Variants in MCTP1 observed in about 807,000 individuals in gnomAD.
MCTP1 encodes multiple C2 and transmembrane domain containing 1.
In MCTP1, 69 loss-of-function variants were observed where a neutral mutation model predicts 120.6. The observed-to-expected ratio is 0.57, with a 90% CI of 0.47 to 0.70. The LOEUF (loss-of-function observed/expected upper bound fraction) is 0.70. MCTP1 is among the 30% of genes least tolerant of loss of function. MCTP1 has a pLI of 0.00. For synonymous variants in MCTP1, 529 were observed against 493.1 expected (o/e 1.07, Z -0.96); for missense variants, 1,203 against 1,248.8 (o/e 0.96, Z 0.55).
chr5:95,125,785 A>C (rs1483922048), intron 1 of MCTP1, among the ~76,000 whole-genome samples: 1 of 152,228 alleles, frequency 6.6e-6, no homozygotes, highest in Non-Finnish European at 1.5e-5. Flanking sequence ...TCATATACAT[A>C]AACTATATGT....
intron 2 of MCTP1, among the ~76,000 whole-genome samples, chr5:94,992,790 T>C (rs368470059): frequency 6.6e-5 from 3 of 45,534 alleles, no homozygotes; most frequent in Admixed American, 5.9e-4. Context: ...CCCTTCCCCA[T>C]CTCAACCTTC....
chr5:94,738,734 T>G (rs1764843399), intron 19 of MCTP1, among the ~76,000 whole-genome samples: 1 of 152,210 alleles, frequency 6.6e-6, no homozygotes, highest in African/African-American at 2.4e-5. Context: ...ATTATGTCTG[T>G]GGGCTAGCAG....
intron 2 of MCTP1, among the ~76,000 whole-genome samples, chr5:95,016,267 C>T (rs944063289): frequency 4.6e-5 from 7 of 151,954 alleles, no homozygotes; most frequent in African/African-American, 7.3e-5. Context: ...CCTCCCATGT[C>T]GGCCTCCCAA....
At position 94,778,990 on chromosome 5, in the gene MCTP1, C is replaced by T; in HGVS notation, c.2610+120G>A. 2 of 807,202 alleles carry T rather than the reference C, an allele frequency of 2.5e-6. 1 individual carries two copies. Among genetic ancestry groups the T allele is most frequent in the South Asian group, 3.0e-5 (2 of 66,330 alleles). The allele number at this position is 807,202 out of a possible 1,614,324, so 50.0% of individuals were successfully genotyped here. On this transcript the variant is annotated intron_variant, in intron 19 of 22. Transcript: ENST00000515393. Reference sequence around the variant, plus strand: ...GCAGTGGCATTGTTAGGATGATAAACAGCACTGTCCAATTTTCTGGACTCA... The same window carrying T: ...GCAGTGGCATTGTTAGGATGATAAATAGCACTGTCCAATTTTCTGGACTCA...
intron 19 of MCTP1, among the ~76,000 whole-genome samples, chr5:94,770,586 G>C (rs1212469923): frequency 6.6e-6 from 1 of 152,126 alleles, no homozygotes; most frequent in Non-Finnish European, 1.5e-5. Context: ...CACTTTGGAG[G>C]GAATGTTGGA....
At chr5:94,832,609 A>AACAC (rs59233492) in intron 17 of MCTP1, among the ~76,000 whole-genome samples, 3,471 of 147,198 alleles carry the variant, frequency 0.024, 53 homozygotes, top group East Asian at 0.089. Context: ...GGGCTAGCTG[A>AACAC]ACACACACAC....
intron 1 of MCTP1, among the ~76,000 whole-genome samples, chr5:95,049,637 A>C (rs1054664637): frequency 6.6e-6 from 1 of 152,176 alleles, no homozygotes; most frequent in South Asian, 2.1e-4. Context: ...AAAAGAAATT[A>C]TTCTCTCACT....
intron 19 of MCTP1, among the ~76,000 whole-genome samples, chr5:94,726,830 T>C (rs899382328): frequency 6.6e-6 from 1 of 152,154 alleles, no homozygotes; most frequent in Non-Finnish European, 1.5e-5. Context: ...TGTCAAAAAG[T>C]TGTCGAGTCC....
intron 1 of MCTP1, among the ~76,000 whole-genome samples, chr5:95,104,386 C>A (rs1756951369): frequency 6.6e-6 from 1 of 151,270 alleles, no homozygotes; most frequent in African/African-American, 2.5e-5. Context: ...TATGATTTAC[C>A]CCATAAAATT....
intron 17 of MCTP1, among the ~76,000 whole-genome samples, chr5:94,834,853 T>C (rs1789367011): frequency 6.6e-6 from 1 of 151,070 alleles, no homozygotes; most frequent in Non-Finnish European, 1.5e-5. Flanking sequence ...GTTTTACTCT[T>C]GTTGCCCAGG....
chr5:94,844,280 C>A (rs1300166214), intron 17 of MCTP1, among the ~76,000 whole-genome samples: 1 of 114,692 alleles, frequency 8.7e-6, no homozygotes, highest in African/African-American at 3.4e-5. Context: ...CCAGCCTGGG[C>A]GACAGAGTGA....
chr5:94,916,228 A>T (rs939941725), intron 8 of MCTP1, among the ~76,000 whole-genome samples: 2 of 152,234 alleles, frequency 1.3e-5, no homozygotes, highest in Non-Finnish European at 2.9e-5. Context: ...AGGTAAAGGT[A>T]AAAGATATAA....
chr5:95,229,740 CAA>C (rs535012504), intron 1 of MCTP1, among the ~76,000 whole-genome samples: 4 of 121,018 alleles, frequency 3.3e-5, no homozygotes, highest in African/African-American at 3.1e-5. Context: ...GACTCCATCT[CAA>C]AAAAAAAAAA....
chr5:94,749,873 T>C (rs1252226848), intron 19 of MCTP1, among the ~76,000 whole-genome samples: 1 of 151,996 alleles, frequency 6.6e-6, no homozygotes, highest in African/African-American at 2.4e-5. Flanking sequence ...ACTCCACACA[T>C]GGAAGCAATG....
chr5:95,230,215 T>G (rs1754774367), intron 1 of MCTP1, among the ~76,000 whole-genome samples: 1 of 107,776 alleles, frequency 9.3e-6, no homozygotes, highest in South Asian at 2.9e-4. Flanking sequence ...CACACACATA[T>G]ACACATACAT....
chr5:94,750,767 A>G (rs1047155485), intron 19 of MCTP1, among the ~76,000 whole-genome samples: 3 of 152,220 alleles, frequency 2.0e-5, no homozygotes, highest in Non-Finnish European at 2.9e-5. Context: ...AGCAAAACCT[A>G]GTCATCTTGA....
chr5:94,842,438 T>C (rs904734571), intron 17 of MCTP1, among the ~76,000 whole-genome samples: 6 of 152,236 alleles, frequency 3.9e-5, no homozygotes, highest in Admixed American at 1.3e-4. Context: ...AATGCTAACA[T>C]ATGGATTGTG....
At chr5:94,961,663 C>T (rs1473912427) in intron 2 of MCTP1, among the ~76,000 whole-genome samples, 2 of 152,020 alleles carry the variant, frequency 1.3e-5, no homozygotes, top group African/African-American at 4.8e-5. Context: ...GTTAAAGATC[C>T]CTGGAGAAGG....
At chr5:94,823,110 T>C (rs986881315) in intron 17 of MCTP1, among the ~76,000 whole-genome samples, 1 of 152,240 alleles carries the variant, frequency 6.6e-6, no homozygotes, top group Non-Finnish European at 1.5e-5. Context: ...GTTTTAGTCC[T>C]GAAGTCTTTG....
Sources: gnomAD v4.1 joint callset for allele counts (sites outside exome capture counted in the v4.1 genomes callset) on GRCh38, gnomAD v4.1.1 for gene constraint, MANE v1.5 for transcripts, NCBI Gene and HGNC (gene_info 2026-07-23, HGNC 2026-07-21) for gene names.